Variants in TOX2 observed in about 807,000 individuals in gnomAD.
TOX2 encodes the protein granulosa cell HMG box 1.
In TOX2, 15 loss-of-function variants were observed where a neutral mutation model predicts 47.4. The ratio of observed to expected loss-of-function variants is 0.32; its 90% CI spans 0.21 to 0.49. TOX2 has a LOEUF of 0.49. Ranked by LOEUF, TOX2 falls within the 20% of genes least tolerant of loss-of-function variation. The pLI is 0.99. For missense variants in TOX2, 622 were observed against 673.1 expected (o/e 0.92, Z 0.84); for synonymous variants, 290 against 296.6 (o/e 0.98, Z 0.23).
chr20:44,019,089 T>C (rs2070936475), intron 3 of TOX2, among the ~76,000 whole-genome samples: 1 of 151,868 alleles, frequency 6.6e-6, no homozygotes, highest in Non-Finnish European at 1.5e-5. Flanking sequence ...GTTGACTGAC[T>C]GACTGACTGA....
chr20:44,013,850 G>A (rs1269859620), intron 3 of TOX2, among the ~76,000 whole-genome samples: 1 of 152,130 alleles, frequency 6.6e-6, no homozygotes, highest in African/African-American at 2.4e-5. Context: ...TATGTCTCAA[G>A]GCTGGGCATC....
At chr20:43,922,566 A>G (rs555982130) in intron 1 of TOX2, among the ~76,000 whole-genome samples, 2 of 152,134 alleles carry the variant, frequency 1.3e-5, no homozygotes, top group Non-Finnish European at 2.9e-5. Context: ...CTACAGGATG[A>G]TTTTTCAGCA....
chr20:44,049,057 A>G (rs534954266), intron 3 of TOX2, among the ~76,000 whole-genome samples: 1 of 152,330 alleles, frequency 6.6e-6, no homozygotes, highest in Non-Finnish European at 1.5e-5. Flanking sequence ...GCAGTGAGCC[A>G]AGATCGCGCC....
chr20:44,057,300 A>T (rs2145775072), intron 5 of TOX2, among the ~76,000 whole-genome samples: 1 of 152,298 alleles, frequency 6.6e-6, no homozygotes, highest in Non-Finnish European at 1.5e-5. Flanking sequence ...TAGGACTTCT[A>T]AAAAAGAGAT....
intron 2 of TOX2, among the ~76,000 whole-genome samples, chr20:44,001,220 A>G (rs1196790460): frequency 6.6e-6 from 1 of 152,244 alleles, no homozygotes; most frequent in Admixed American, 6.5e-5. Flanking sequence ...GTTTGGAGTC[A>G]CAAGACCAGG....
At chr20:44,061,766 A>G in intron 5 of TOX2, among the ~76,000 whole-genome samples, 1 of 152,172 alleles carries the variant, frequency 6.6e-6, no homozygotes, top group Non-Finnish European at 1.5e-5. Context: ...CCAATGTTGT[A>G]TCAGAAAGAT....
intron 1 of TOX2, among the ~76,000 whole-genome samples, chr20:43,958,928 T>A (rs1479921640): frequency 2.0e-5 from 3 of 152,240 alleles, no homozygotes; most frequent in African/African-American, 7.2e-5. Flanking sequence ...GAAGATGAAT[T>A]AGAATAACTC....
intron 1 of TOX2, among the ~76,000 whole-genome samples, chr20:43,968,608 C>T (rs984627515): frequency 2.0e-5 from 3 of 152,216 alleles, no homozygotes; most frequent in Admixed American, 6.5e-5. Flanking sequence ...CCTACACATT[C>T]GATATTTGCA....
intron 1 of TOX2, among the ~76,000 whole-genome samples, chr20:43,973,089 G>T (rs1454886324): frequency 6.6e-6 from 1 of 152,268 alleles, no homozygotes; most frequent in Non-Finnish European, 1.5e-5. Flanking sequence ...TGTGTCTATG[G>T]ACAAGTTATA....
At chr20:43,963,699 A>T (rs796727781) in intron 1 of TOX2, among the ~76,000 whole-genome samples, 1 of 152,348 alleles carries the variant, frequency 6.6e-6, no homozygotes, top group South Asian at 2.1e-4. Context: ...TTTTTGAAGA[A>T]TTGTTAATAT....
rs1449515068 is a variant in TOX2, at chr20:43,916,154, C to T, written c.99+1164C>T. 6.1e-6 allele frequency: 6 copies of T among 985,404 alleles called. No individual in the cohort carries two copies. Among genetic ancestry groups the T allele is most frequent in the Non-Finnish European group, 6.0e-6 (5 of 829,974 alleles). The allele number at this position is 985,404 out of a possible 1,614,324, so 61.0% of individuals were successfully genotyped here. A position where few individuals can be genotyped will look rare whatever the true frequency, so the allele number is the denominator to read the frequency against. On this transcript the variant is annotated intron_variant, in intron 1 of 8. Coordinates refer to ENST00000341197, the MANE Select transcript of TOX2 (RefSeq NM_001098797.2). This position sits in a 1 kb window ranked among gnomAD's most constrained non-coding sequence, Gnocchi z 5.0. Reference sequence around the variant, plus strand: ...CACTCGGAGCCCGGATTGAACAGCGCGCGTGGGTTTCCCGCAGCCCTGGCG... The same window carrying T: ...CACTCGGAGCCCGGATTGAACAGCGTGCGTGGGTTTCCCGCAGCCCTGGCG...
intron 1 of TOX2, among the ~76,000 whole-genome samples, chr20:43,946,334 A>T (rs1165315460): frequency 6.6e-6 from 1 of 152,138 alleles, no homozygotes; most frequent in Non-Finnish European, 1.5e-5. Flanking sequence ...CACACCCTGC[A>T]GTAGGCCTGG....
intron 3 of TOX2, among the ~76,000 whole-genome samples, chr20:44,024,183 G>A (rs1306926308): frequency 1.3e-5 from 2 of 152,140 alleles, no homozygotes; most frequent in Non-Finnish European, 2.9e-5. Context: ...GTTGTATATA[G>A]TATTACCTTA....
At chr20:44,061,237 A>G (rs2071713319) in intron 5 of TOX2, among the ~76,000 whole-genome samples, 1 of 152,130 alleles carries the variant, frequency 6.6e-6, no homozygotes, top group Non-Finnish European at 1.5e-5. Context: ...GGTAATTAAA[A>G]AGTTACCAAC....
intron 2 of TOX2, among the ~76,000 whole-genome samples, chr20:43,976,659 A>G (rs2070081757): frequency 6.6e-6 from 1 of 152,200 alleles, no homozygotes; most frequent in African/African-American, 2.4e-5. Context: ...CTTTTCTGGT[A>G]CCTATAGCTC....
intron 2 of TOX2, among the ~76,000 whole-genome samples, chr20:44,004,743 A>G (rs369079930): frequency 2.0e-5 from 3 of 152,210 alleles, no homozygotes; most frequent in East Asian, 1.9e-4. Flanking sequence ...GCCACCACCA[A>G]CCAGGTCCTG....
chr20:44,003,015 A>C (rs2070610587), intron 2 of TOX2, among the ~76,000 whole-genome samples: 2 of 152,120 alleles, frequency 1.3e-5, no homozygotes, highest in South Asian at 4.1e-4. Flanking sequence ...ACACACAGGC[A>C]GTAAGTGGCA....
intron 1 of TOX2, among the ~76,000 whole-genome samples, chr20:43,931,479 C>T (rs1277726750): frequency 6.6e-6 from 1 of 152,208 alleles, no homozygotes; most frequent in Admixed American, 6.5e-5. Flanking sequence ...CCACCCCCTC[C>T]TGGAGGCTTT....
At position 43,959,521 on chromosome 20, in the gene TOX2, G is replaced by T. The variant is rs1569035885; in HGVS notation, c.100-13846G>T. 2.0e-5 allele frequency among the ~76,000 whole-genome samples: 3 copies of T among 152,202 alleles called. 1 individual carries two copies. In the South Asian group the frequency reaches 6.2e-4, roughly 32 times the overall value. On this transcript the variant is annotated intron_variant, in intron 1 of 8. Coordinates refer to ENST00000341197, the MANE Select transcript of TOX2 (RefSeq NM_001098797.2). ...TTCTAGGTCAAATTACAATTTCAAA[G>T]ATTTCTTTTCTTCTTCTTTTTGAAC...
Sources: allele counts gnomAD v4.1 joint callset (sites outside exome capture counted in the v4.1 genomes callset), GRCh38; gene constraint gnomAD v4.1.1; non-coding constraint Gnocchi (gnomAD v3.1); transcripts MANE v1.5; gene names NCBI Gene and HGNC (gene_info 2026-07-23, HGNC 2026-07-21).